Variants in MARCHF8 observed in about 807,000 individuals in gnomAD.
The protein encoded by MARCHF8 is E3 ubiquitin-protein ligase MARCHF8.
MARCHF8 carries 40 observed loss-of-function variants against 51.6 expected under a neutral mutation model. The observed-to-expected ratio is 0.77, with a 90% confidence interval of 0.60 to 1.01. The LOEUF (loss-of-function observed/expected upper bound fraction) is 1.01, where lower values mean the gene tolerates loss of function less well. MARCHF8 is among the 50% of genes least tolerant of loss of function. The pLI is 0.00. For missense variants in MARCHF8, 685 were observed against 708.6 expected (o/e 0.97, Z 0.38); for synonymous variants, 263 against 280.3 (o/e 0.94, Z 0.62).
At chr10:45,524,317 C>G (rs1427393140) in intron 2 of MARCHF8, among the ~76,000 whole-genome samples, 4 of 152,124 alleles carry the variant, frequency 2.6e-5, no homozygotes, top group Non-Finnish European at 5.9e-5. Flanking sequence ...CATGTTTGAG[C>G]CAACTAGGAG....
chr10:45,484,715 A>T (rs2042949713), intron 3 of MARCHF8, among the ~76,000 whole-genome samples: 1 of 152,186 alleles, frequency 6.6e-6, no homozygotes, highest in Non-Finnish European at 1.5e-5. Flanking sequence ...ATGAGTTAGG[A>T]ATTTTAGCCA....
chr10:45,476,562 G>A (rs552833822), intron 3 of MARCHF8, among the ~76,000 whole-genome samples: 12 of 152,170 alleles, frequency 7.9e-5, no homozygotes, highest in South Asian at 2.1e-4. Context: ...ACCAAGATCC[G>A]GAAGCTCAGT....
intron 2 of MARCHF8, among the ~76,000 whole-genome samples, chr10:45,498,704 G>A (rs1359475179): frequency 6.6e-6 from 1 of 152,208 alleles, no homozygotes; most frequent in Non-Finnish European, 1.5e-5. Flanking sequence ...TCAAACTCCT[G>A]ACCTCAGGTG....
chr10:45,490,220 A>T (rs1666764487), intron 2 of MARCHF8, among the ~76,000 whole-genome samples: 1 of 152,188 alleles, frequency 6.6e-6, no homozygotes, highest in Non-Finnish European at 1.5e-5. Context: ...CTTCTGTGAA[A>T]ATTTAGATGT....
chr10:45,560,547 G>A (rs2044298708), intron 1 of MARCHF8, among the ~76,000 whole-genome samples: 1 of 152,188 alleles, frequency 6.6e-6, no homozygotes, highest in South Asian at 2.1e-4. Context: ...TGCCCACAGT[G>A]CCAGCTTGTC....
At position 45,566,810 on chromosome 10, in the gene MARCHF8, A is replaced by G. The variant is rs148093932; in HGVS notation, c.-79+27425T>C. Among the ~76,000 whole-genome samples the G allele has an allele frequency of 4.4e-3, 667 of 151,864 alleles. 4 individuals carry two copies. The highest frequency in any genetic ancestry group is 0.015 in the African/African-American group (636 of 41,380). ...GGGAGGGTATATACCTAGCAGTGGG[A>G]TTGCCAGATCATACGATAGGTCAAT... is the stretch of plus-strand genomic sequence containing the variant. On this transcript the variant is annotated intron_variant, in intron 1 of 6. Coordinates refer to the MARCHF8 transcript ENST00000319836.
At chr10:45,590,871 T>C (rs1385635594) in intron 1 of MARCHF8, among the ~76,000 whole-genome samples, 1 of 152,206 alleles carries the variant, frequency 6.6e-6, no homozygotes, top group African/African-American at 2.4e-5. Flanking sequence ...CCCTGTGACC[T>C]GCACTTATAC....
intron 3 of MARCHF8, among the ~76,000 whole-genome samples, chr10:45,487,692 GAAT>G (rs771937288): frequency 3.3e-5 from 5 of 152,134 alleles, no homozygotes; most frequent in African/African-American, 4.8e-5. Context: ...TTAAGCGGAA[GAAT>G]AATATAATTA....
At position 45,533,236 on chromosome 10, in the gene MARCHF8, C is replaced by G. The variant is rs761950497; in HGVS notation, c.-25G>C. 8 of 1,592,330 alleles carry G rather than the reference C, an allele frequency of 5.0e-6. 1 individual carries two copies. The South Asian group carries it at 8.1e-5, about 16-fold the overall frequency. ...TCCCAACCTCTTATCTGGTCGTCTTCTTCACAGAAGAGAGTCTCCACTGGT... is the reference window on the plus strand; with the variant it reads ...TCCCAACCTCTTATCTGGTCGTCTTGTTCACAGAAGAGAGTCTCCACTGGT... On this transcript the variant is annotated 5_prime_UTR_variant, in exon 2 of 8. Transcript: ENST00000453424.
intron 1 of MARCHF8, among the ~76,000 whole-genome samples, chr10:45,560,682 G>A (rs914172335): frequency 2.6e-5 from 4 of 152,050 alleles, no homozygotes; most frequent in African/African-American, 9.7e-5. Flanking sequence ...TTTTTCTCCT[G>A]TCGTTCAGCC....
chr10:45,489,403 C>T lies in MARCHF8; in HGVS notation c.117G>A (p.Leu39=), dbSNP rs374246734. Residue 39 remains leucine, a synonymous_variant, in exon 3 of 8, where the codon TTG becomes TTA. Coordinates refer to ENST00000453424, the MANE Select transcript of MARCHF8 (RefSeq NM_001282866.2). The part of the protein sequence containing the change: ...KEREEQNEKT[L]GHFMSHSSNI... ...TGCTTGAATGACTCATGAAATGTCC[C>T]AAAGTCTTCTCATTCTGCAAGAAAA... 3.2e-5 allele frequency: 51 copies of T among 1,611,996 alleles called. No individual in the cohort carries two copies. In the African/African-American group the frequency reaches 6.3e-4, roughly 20 times the overall value.
rs185220354 is a variant in MARCHF8 at position 45,506,054 on chromosome 10, G to C, written c.103-16637C>G. ...ACCTCAGAATGGGATTAACAAATTA[G>C]ATTATAAAATCTACTACATTATGAA... On this transcript the variant is annotated intron_variant, in intron 2 of 7. Transcript: ENST00000453424. Among the ~76,000 whole-genome samples the C allele has an allele frequency of 3.4e-3, 481 of 143,182 alleles. 3 individuals are homozygous for C. Among genetic ancestry groups the C allele is most frequent in the Middle Eastern group, 0.014 (4 of 284 alleles). The allele number at this position is 143,182 out of a possible 152,430, so 93.9% of individuals were successfully genotyped here.
intron 2 of MARCHF8, among the ~76,000 whole-genome samples, chr10:45,507,516 G>A (rs1314128167): frequency 2.0e-5 from 3 of 152,172 alleles, no homozygotes; most frequent in Admixed American, 6.5e-5. Flanking sequence ...CAGGTCAAGA[G>A]AGCAAGGAGG....
At chr10:45,543,797 C>CAAAAAAA (rs35514763) in intron 1 of MARCHF8, among the ~76,000 whole-genome samples, 29 of 49,736 alleles carry the variant, frequency 5.8e-4, no homozygotes, top group Admixed American at 1.0e-3. Flanking sequence ...GACTCCGTCT[C>CAAAAAAA]AAAAAAAAAA....
chr10:45,551,666 A>C (rs1241539111), intron 1 of MARCHF8, among the ~76,000 whole-genome samples: 1 of 152,166 alleles, frequency 6.6e-6, no homozygotes, highest in East Asian at 1.9e-4. Flanking sequence ...CTGCCAGCAG[A>C]CTGCCTTCAG....
chr10:45,511,367 T>C (rs2043498079), intron 2 of MARCHF8, among the ~76,000 whole-genome samples: 1 of 151,682 alleles, frequency 6.6e-6, no homozygotes, highest in Non-Finnish European at 1.5e-5. Context: ...ATAGAAATTA[T>C]AACACTGTGC....
At chr10:45,516,566 C>T (rs28586924) in intron 2 of MARCHF8, among the ~76,000 whole-genome samples, 18,935 of 152,140 alleles carry the variant, frequency 0.12, 1,381 homozygotes, top group Non-Finnish European at 0.16. Flanking sequence ...GAGTTCGAGA[C>T]CAGCCTGGAC....
chr10:45,582,457 A>C (rs1201336475), intron 1 of MARCHF8, among the ~76,000 whole-genome samples: 2 of 152,188 alleles, frequency 1.3e-5, no homozygotes, highest in Non-Finnish European at 2.9e-5. Context: ...AAGCTGTTAC[A>C]GTTAGCTATT....
chr10:45,459,588 A>G (rs11239528), intron 6 of MARCHF8, among the ~76,000 whole-genome samples: 35,289 of 152,192 alleles, frequency 0.23, 4,300 homozygotes, highest in Admixed American at 0.3. Context: ...TAATGAAAAC[A>G]GTATGTTGGC....
Sources: allele counts gnomAD v4.1 joint callset (sites outside exome capture counted in the v4.1 genomes callset), GRCh38; gene constraint gnomAD v4.1.1; transcripts MANE v1.5; gene names NCBI Gene and HGNC (gene_info 2026-07-23, HGNC 2026-07-21).